Variants in SFMBT2 observed in about 807,000 individuals in gnomAD.
The protein encoded by SFMBT2 is scm-like with four MBT domains protein 2.
In SFMBT2, 38 loss-of-function variants were observed where a neutral mutation model predicts 110.1. That is an observed-to-expected ratio of 0.35 (90% CI 0.27 to 0.45). The LOEUF is 0.45. Among genes scored for constraint, SFMBT2 ranks in the 20% least tolerant of loss-of-function variants. The pLI is 1.00. For missense variants in SFMBT2, 1,011 were observed against 1,094.9 expected, an observed-to-expected ratio of 0.92 and a Z score of 1.08; for synonymous variants, 425 against 425.4, an observed-to-expected ratio of 1.00 and a Z score of 0.01.
chr10:7,277,463 A>T (rs1034299612), intron 6 of SFMBT2: 1 of 243,796 alleles, frequency 4.1e-6, no homozygotes, highest in Non-Finnish European at 6.6e-6. Context: ...ATCTGCTAAA[A>T]ATAGTCCCTG....
intron 9 of SFMBT2, among the ~76,000 whole-genome samples, chr10:7,228,615 G>A (rs539013331): frequency 6.6e-6 from 1 of 152,190 alleles, no homozygotes; most frequent in South Asian, 2.1e-4. Flanking sequence ...AGAGGCATTT[G>A]AACAACAACT....
In SFMBT2 at chr10:7,194,999, C is replaced by G. The variant is rs114024743; in HGVS notation, c.1698+2549G>C. Among the ~76,000 whole-genome samples the G allele has an allele frequency of 3.6e-3, 546 of 152,354 alleles. 4 individuals carry two copies. Among genetic ancestry groups the G allele is most frequent in the African/African-American group, 0.013 (528 of 41,588 alleles). On this transcript the variant is annotated intron_variant, in intron 15 of 20. Coordinates refer to ENST00000397167, the MANE Select transcript of SFMBT2 (RefSeq NM_001387889.1). ...GTCATTTCAACAACGGAACACGTCA[C>G]GTGAAACAGGCTTGCAGGCAGCTTC...
rs989419595 is a variant in SFMBT2, at chr10:7,301,840, G to T, written c.437-15886C>A. Among the ~76,000 whole-genome samples the T allele has an allele frequency of 5.9e-5, 9 of 151,852 alleles. No homozygotes were observed. Among genetic ancestry groups the T allele is most frequent in the African/African-American group, 1.9e-4 (8 of 41,320 alleles). On this transcript the variant is annotated intron_variant, in intron 4 of 20. Transcript: ENST00000397167. This position sits in a 1 kb window ranked among gnomAD's most constrained non-coding sequence, Gnocchi z 4.2. ...AACTGCGTGGCTCTAGACTATCGAA[G>T]GGGAAAAAAAACCACTGGTGTAGAA...
intron 4 of SFMBT2, among the ~76,000 whole-genome samples, chr10:7,349,385 G>A (rs1844227870): frequency 6.7e-6 from 1 of 149,334 alleles, no homozygotes; most frequent in South Asian, 2.1e-4. Context: ...GGGCAGGACA[G>A]GATGCAGTTT....
chr10:7,340,058 G>C (rs1843842502), intron 4 of SFMBT2, among the ~76,000 whole-genome samples: 1 of 152,184 alleles, frequency 6.6e-6, no homozygotes, highest in African/African-American at 2.4e-5. Context: ...GCAGGTTCCT[G>C]AGACAGCCAC....
chr10:7,403,550 G>C (rs946437999), intron 1 of SFMBT2, among the ~76,000 whole-genome samples: 4 of 152,174 alleles, frequency 2.6e-5, no homozygotes, highest in Non-Finnish European at 4.4e-5. Flanking sequence ...GCTGAGGGGG[G>C]AGAATTGCTT....
rs772365480 is a variant in SFMBT2, at chr10:7,176,041, T to C, written c.1933A>G (p.Ile645Val). 6.2e-7 allele frequency: 1 copy of C among 1,614,164 alleles called. No homozygotes were observed. The highest frequency in any genetic ancestry group is 8.5e-7 in the Non-Finnish European group (1 of 1,180,018). The change falls in exon 17 of 21, where the codon ATA becomes GTA. Residue 645 changes from isoleucine (I) to valine (V), a missense_variant. Coordinates refer to ENST00000397167, the MANE Select transcript of SFMBT2 (RefSeq NM_001387889.1). ...CCPNLFSPVLISENCPENCSI... is the reference protein window; with the variant it reads ...CCPNLFSPVLVSENCPENCSI... ...CAGTTCTCTGGGCAGTTTTCAGATA[T>C]CAGCACAGGACTAAACAAATTTGGA... is the stretch of plus-strand genomic sequence containing the variant.
chr10:7,374,555 A>T (rs942891196), intron 2 of SFMBT2, among the ~76,000 whole-genome samples: 3 of 152,148 alleles, frequency 2.0e-5, no homozygotes, highest in African/African-American at 7.2e-5. Flanking sequence ...TACATTTCCC[A>T]ATATACAGGG....
At chr10:7,410,452 C>G (rs1291492500) in intron 1 of SFMBT2, among the ~76,000 whole-genome samples, 2 of 152,170 alleles carry the variant, frequency 1.3e-5, no homozygotes, top group Non-Finnish European at 2.9e-5. Flanking sequence ...AGTGCAGAAA[C>G]GAGGAAGGTG....
intron 7 of SFMBT2, among the ~76,000 whole-genome samples, chr10:7,251,823 C>T (rs1021984175): frequency 2.0e-5 from 3 of 152,164 alleles, no homozygotes; most frequent in Non-Finnish European, 4.4e-5. Context: ...CCCTCACCAG[C>T]CACAGGCACA....
intron 4 of SFMBT2, among the ~76,000 whole-genome samples, chr10:7,307,568 T>C (rs1202001167): frequency 2.6e-5 from 4 of 152,112 alleles, no homozygotes; most frequent in South Asian, 4.1e-4. Flanking sequence ...CATACATCAG[T>C]AGGGGGAGAA....
chr10:7,211,884 A>G (rs1458021558), intron 11 of SFMBT2, among the ~76,000 whole-genome samples: 5 of 152,194 alleles, frequency 3.3e-5, no homozygotes, highest in Admixed American at 3.3e-4. Context: ...CCCTAAACAT[A>G]TGAGGTGGGC....
At chr10:7,342,017 G>T (rs1012229416) in intron 4 of SFMBT2, among the ~76,000 whole-genome samples, 1 of 151,494 alleles carries the variant, frequency 6.6e-6, no homozygotes, top group Non-Finnish European at 1.5e-5. Context: ...GAGTTGAGAA[G>T]TTGAAGACCT....
intron 13 of SFMBT2, 168 bp downstream of exon 13, chr10:7,202,312 C>A (rs899147787): frequency 2.8e-6 from 1 of 354,658 alleles, no homozygotes; most frequent in Non-Finnish European, 4.0e-6. Flanking sequence ...CTGTGTCTTG[C>A]ACATAACAGG....
At chr10:7,323,629 C>T (rs1158546541) in intron 4 of SFMBT2, among the ~76,000 whole-genome samples, 1 of 151,884 alleles carries the variant, frequency 6.6e-6, no homozygotes, top group Non-Finnish European at 1.5e-5. Flanking sequence ...TTGATAAAGC[C>T]CCACAGGTGC....
At chr10:7,342,908 T>A (rs1048905064) in intron 4 of SFMBT2, among the ~76,000 whole-genome samples, 2 of 151,538 alleles carry the variant, frequency 1.3e-5, no homozygotes, top group African/African-American at 2.4e-5. Flanking sequence ...TTATTAGATT[T>A]TTTTGTGGGG....
chr10:7,331,830 C>T (rs1458189185), intron 4 of SFMBT2, among the ~76,000 whole-genome samples: 2 of 151,862 alleles, frequency 1.3e-5, no homozygotes, highest in Non-Finnish European at 2.9e-5. Flanking sequence ...ATGGTGAAAC[C>T]CTGTCTCTAC....
rs998226391 is a variant in SFMBT2, at chr10:7,408,947, C to T, written c.-52+1914G>A. On this transcript the variant is annotated intron_variant, in intron 1 of 20. Transcript: ENST00000397167. This position sits in a 1 kb window ranked among gnomAD's most constrained non-coding sequence, Gnocchi z 5.7. ...GCGCCGAGAGGGTTCCTAAGCCGAG[C>T]AAGGGACAATTTCTTCCCCAAACGC... 1.4e-4 allele frequency among the ~76,000 whole-genome samples: 21 copies of T among 152,136 alleles called. No homozygotes were observed. Among genetic ancestry groups the T allele is most frequent in the Non-Finnish European group, 2.9e-4 (20 of 68,028 alleles).
chr10:7,292,057 C>T (rs894110048), intron 4 of SFMBT2, among the ~76,000 whole-genome samples: 1 of 152,102 alleles, frequency 6.6e-6, no homozygotes, highest in African/African-American at 2.4e-5. Context: ...ATGCTGGTGG[C>T]CTTTAAGTTC....
Sources: allele counts gnomAD v4.1 joint callset (sites outside exome capture counted in the v4.1 genomes callset), GRCh38; gene constraint gnomAD v4.1.1; non-coding constraint Gnocchi (gnomAD v3.1); transcripts MANE v1.5; gene names NCBI Gene and HGNC (gene_info 2026-07-23, HGNC 2026-07-21).